UBAC1: variants seen among roughly 807,000 people sequenced by gnomAD.
UBAC1 encodes ubiquitin-associated domain-containing protein 1.
In UBAC1, 27 loss-of-function variants were observed where a neutral mutation model predicts 45.9. The ratio of observed to expected loss-of-function variants is 0.59; its 90% confidence interval spans 0.43 to 0.81. The LOEUF (loss-of-function observed/expected upper bound fraction) is 0.81, where lower values mean the gene tolerates loss of function less well. UBAC1 is among the 30% of genes least tolerant of loss of function. The probability of loss-of-function intolerance (pLI) is 0.00; values close to 1 mark genes in which losing one functional copy is unlikely to be tolerated. For missense variants in UBAC1, 529 were observed against 539.2 expected, an observed-to-expected ratio of 0.98 and a Z score of 0.19; for synonymous variants, 227 against 215.5, an observed-to-expected ratio of 1.05 and a Z score of -0.47.
intron 1 of UBAC1, among the ~76,000 whole-genome samples, chr9:135,960,817 G>A (rs1240943709): frequency 6.6e-6 from 1 of 152,196 alleles, no homozygotes; most frequent in African/African-American, 2.4e-5. Flanking sequence ...GCCAGGCCCG[G>A]GACGAGCGTC....
chr9:135,949,865 C>G (rs1839386998), intron 3 of UBAC1, among the ~76,000 whole-genome samples: 3 of 152,218 alleles, frequency 2.0e-5, no homozygotes, highest in Non-Finnish European at 4.4e-5. Flanking sequence ...TGGTGGGCCT[C>G]AACTAATCAG....
rs567508143 is a variant in UBAC1 at position 135,949,146 on chromosome 9, G to A, written c.334-1241C>T. On this transcript the variant is annotated intron_variant, in intron 3 of 9. Coordinates refer to ENST00000371756, the MANE Select transcript of UBAC1 (RefSeq NM_016172.3). ...ATAGTGTTTATGAGCCAGGACAGACGGCCCACGGAGGAACACACCAGAACA... is the reference window on the plus strand; with the variant it reads ...ATAGTGTTTATGAGCCAGGACAGACAGCCCACGGAGGAACACACCAGAACA... Among the ~76,000 whole-genome samples, 12 of 151,904 alleles carry A rather than the reference G, an allele frequency of 7.9e-5. 1 individual carries two copies. The highest frequency in any genetic ancestry group is 2.2e-4 in the African/African-American group (9 of 41,438).
chr9:135,951,203 C>G (rs1265392242), intron 3 of UBAC1, among the ~76,000 whole-genome samples: 2 of 152,138 alleles, frequency 1.3e-5, no homozygotes, highest in Non-Finnish European at 2.9e-5. Context: ...CCTCAGCCTC[C>G]CAAAGTGCTG....
chr9:135,953,922 T>C, intron 2 of UBAC1, 169 bp from the exon 3 acceptor site: 1 of 403,806 alleles, frequency 2.5e-6, no homozygotes, highest in South Asian at 3.3e-5. Flanking sequence ...GCAAATTACC[T>C]GAGGTCAGGT....
At position 135,933,385 on chromosome 9, in the gene UBAC1, G is replaced by A; in HGVS notation, c.*15C>T. The A allele has an allele frequency of 1.2e-6, 2 of 1,610,408 alleles. No homozygotes were observed. The highest frequency in any genetic ancestry group is 8.5e-7 in the Non-Finnish European group (1 of 1,176,612). On this transcript the variant is annotated 3_prime_UTR_variant, in exon 10 of 10. Transcript: ENST00000371756. Reference sequence around the variant, plus strand: ...GGGGCTGCTGTGGCCTGATAGCCGAGTGGAACAACGCCACCTACGTGCGAT... The same window carrying A: ...GGGGCTGCTGTGGCCTGATAGCCGAATGGAACAACGCCACCTACGTGCGAT...
chr9:135,956,331 CCT>C (rs1839465266), intron 1 of UBAC1, among the ~76,000 whole-genome samples: 1 of 152,188 alleles, frequency 6.6e-6, no homozygotes, highest in Non-Finnish European at 1.5e-5. Context: ...CGGCCAGCAT[CCT>C]CTCTGCAAAA....
intron 1 of UBAC1, among the ~76,000 whole-genome samples, chr9:135,956,969 G>A (rs1313120404): frequency 3.3e-5 from 5 of 152,164 alleles, no homozygotes; most frequent in Non-Finnish European, 7.3e-5. Flanking sequence ...GGCCGTCCTC[G>A]GACGTCTCAG....
In UBAC1 at chr9:135,943,802, G is replaced by A. The variant is rs541213459; in HGVS notation, c.876+1226C>T. 2.4e-4 allele frequency among the ~76,000 whole-genome samples: 37 copies of A among 152,282 alleles called. 1 individual carries two copies. In the East Asian group the frequency reaches 4.2e-3, roughly 17 times the overall value. ...ATACTATGCAGCCATAAAAAGGAAC[G>A]AGATCACGTCCTTTGCAGGGTCATG... is the stretch of plus-strand genomic sequence containing the variant. On this transcript the variant is annotated intron_variant, in intron 7 of 9. Coordinates refer to ENST00000371756, the MANE Select transcript of UBAC1 (RefSeq NM_016172.3).
At position 135,933,216 on chromosome 9, in the gene UBAC1, C is replaced by G; in HGVS notation, c.*184G>C. On this transcript the variant is annotated 3_prime_UTR_variant, in exon 10 of 10. Coordinates refer to ENST00000371756, the MANE Select transcript of UBAC1 (RefSeq NM_016172.3). The stretch of plus-strand genomic sequence containing the variant: ...CACCTGTCAGATGCTAAAAATACGG[C>G]CTTACACACTACCGTCACCAAAGTT... 3.4e-6 allele frequency: 2 copies of G among 590,312 alleles called. No homozygotes were observed. The highest frequency in any genetic ancestry group is 6.1e-6 in the Non-Finnish European group (2 of 330,356). 36.6% of individuals were successfully genotyped at this position (590,312 alleles called of 1,614,324 possible).
At chr9:135,940,279 A>AC (rs1238683178) in intron 7 of UBAC1, among the ~76,000 whole-genome samples, 1 of 107,292 alleles carries the variant, frequency 9.3e-6, no homozygotes, top group East Asian at 2.8e-4. Flanking sequence ...ATTTTATCTT[A>AC]GAAAAAAAAA....
intron 3 of UBAC1, among the ~76,000 whole-genome samples, chr9:135,952,092 G>C (rs544307912): frequency 4.6e-5 from 7 of 152,346 alleles, no homozygotes; most frequent in African/African-American, 1.7e-4. Context: ...CCTGACTCAG[G>C]GACAGGCGGA....
intron 5 of UBAC1, 81 bp downstream of exon 5, chr9:135,946,188 T>G: frequency 8.8e-7 from 1 of 1,132,900 alleles, no homozygotes; most frequent in South Asian, 1.3e-5. Context: ...TTCCGGTCAG[T>G]GGTCAGTGCG....
At chr9:135,956,373 G>A (rs554149502) in intron 1 of UBAC1, among the ~76,000 whole-genome samples, 20 of 152,300 alleles carry the variant, frequency 1.3e-4, no homozygotes, top group South Asian at 1.0e-3. Flanking sequence ...ATTCATGCAC[G>A]TGGCACTGGC....
At chr9:135,949,317 A>G (rs2131090020) in intron 3 of UBAC1, among the ~76,000 whole-genome samples, 1 of 152,340 alleles carries the variant, frequency 6.6e-6, no homozygotes, top group East Asian at 1.9e-4. Flanking sequence ...AGAGTTACAG[A>G]AAGAGAAAAG....
At chr9:135,945,829 G>A in intron 6 of UBAC1, 60 bp downstream of exon 6, 1 of 1,393,896 alleles carries the variant, frequency 7.2e-7, no homozygotes, top group Non-Finnish European at 1.0e-6. Context: ...CACGGTGGGA[G>A]CCCCACAAAA....
At chr9:135,937,427 C>T (rs560372593) in intron 9 of UBAC1, among the ~76,000 whole-genome samples, 4 of 119,612 alleles carry the variant, frequency 3.3e-5, no homozygotes, top group Non-Finnish European at 6.5e-5. Flanking sequence ...GGTGACAAGG[C>T]GAGACTCTGT....
At chr9:135,946,791 A>G (rs1183286355) in intron 4 of UBAC1, among the ~76,000 whole-genome samples, 1 of 152,250 alleles carries the variant, frequency 6.6e-6, no homozygotes, top group Non-Finnish European at 1.5e-5. Context: ...TGCGGCGGCC[A>G]TCACTGTCCT....
In UBAC1 at chr9:135,961,298, G is replaced by T; in HGVS notation, c.-136C>A. On this transcript the variant is annotated 5_prime_UTR_variant, in exon 1 of 10. Coordinates refer to ENST00000371756, the MANE Select transcript of UBAC1 (RefSeq NM_016172.3). ...CGCCGCCCCGCCCCGGCTCCCGTCG[G>T]CCGGGCCGCCGTCACTCTCCGCGGC... is the stretch of plus-strand genomic sequence containing the variant. The T allele has an allele frequency of 2.8e-6, 2 of 715,420 alleles. No individual in the cohort carries two copies. The highest frequency in any genetic ancestry group is 3.5e-6 in the Non-Finnish European group (2 of 569,014). 44.3% of individuals were successfully genotyped at this position (715,420 alleles called of 1,614,324 possible).
At chr9:135,953,960 G>A in intron 2 of UBAC1, 1 of 303,420 alleles carries the variant, frequency 3.3e-6, no homozygotes, top group South Asian at 5.2e-5. Context: ...CCAACACGGT[G>A]AAACCCCATC....
Sources: allele counts gnomAD v4.1 joint callset (sites outside exome capture counted in the v4.1 genomes callset), GRCh38; gene constraint gnomAD v4.1.1; transcripts MANE v1.5; gene names NCBI Gene and HGNC (gene_info 2026-07-23, HGNC 2026-07-21).